Variants in SUSD1 observed in about 807,000 individuals in gnomAD.
The protein encoded by SUSD1 is sushi domain containing 1, also known as sushi domain-containing protein 1.
In SUSD1, 65 loss-of-function variants were observed where a neutral mutation model predicts 86.9. The ratio of observed to expected loss-of-function variants is 0.75; its 90% CI spans 0.61 to 0.92. The LOEUF (loss-of-function observed/expected upper bound fraction) is 0.92, where lower values mean the gene tolerates loss of function less well. Among genes scored for constraint, SUSD1 ranks in the 40% least tolerant of loss-of-function variants. The pLI, the probability that SUSD1 is intolerant of heterozygous loss-of-function variation, is 0.00. For synonymous variants in SUSD1, 346 were observed against 350.0 expected, an observed-to-expected ratio of 0.99 and a Z score of 0.13; for missense variants, 850 against 929.7, an observed-to-expected ratio of 0.91 and a Z score of 1.11.
intron 12 of SUSD1, among the ~76,000 whole-genome samples, chr9:112,074,728 C>T (rs142871698): frequency 1.8e-4 from 28 of 151,974 alleles, no homozygotes; most frequent in African/African-American, 6.0e-4. Flanking sequence ...TAGGAAACCA[C>T]GAGTATCTCT....
chr9:112,130,242 G>A lies in SUSD1; in HGVS notation c.707-5806C>T, dbSNP rs550468256. Among the ~76,000 whole-genome samples the A allele has an allele frequency of 1.1e-4, 16 of 152,154 alleles. No individual in the cohort carries two copies. In the South Asian group the frequency reaches 2.5e-3, roughly 24 times the overall value. ...ACAAAAATCAGTCAGGTGTGGTGGCGCATGCTTGTAATCCCAGCTACCTGG... is the reference window on the plus strand; with the variant it reads ...ACAAAAATCAGTCAGGTGTGGTGGCACATGCTTGTAATCCCAGCTACCTGG... On this transcript the variant is annotated intron_variant, in intron 5 of 16. Transcript: ENST00000374270.
At chr9:112,085,814 C>G (rs994419434) in intron 10 of SUSD1, among the ~76,000 whole-genome samples, 2 of 152,172 alleles carry the variant, frequency 1.3e-5, no homozygotes, top group African/African-American at 4.8e-5. Context: ...ATATAACTCA[C>G]TACGCATCCT....
Position 112,041,805 on chromosome 9 carries a change from G to T in SUSD1, c.2243+62C>A. 2 of 1,516,558 alleles carry T rather than the reference G, an allele frequency of 1.3e-6. 1 individual carries two copies. Among genetic ancestry groups the T allele is most frequent in the South Asian group, 2.4e-5 (2 of 84,366 alleles). 93.9% of individuals were successfully genotyped at this position (1,516,558 alleles called of 1,614,324 possible). A position where few individuals can be genotyped will look rare whatever the true frequency, so the allele number is the denominator to read the frequency against. On this transcript the variant is annotated intron_variant, in intron 16 of 16. Coordinates refer to ENST00000374270, the MANE Select transcript of SUSD1 (RefSeq NM_022486.5). ...CTCCCCTCATCCCCAGCTGTTCTTC[G>T]TGACTCTGACCCATCCTCCCCTCCA...
intron 14 of SUSD1, 134 bp downstream of exon 14, chr9:112,058,294 A>G: frequency 4.1e-6 from 5 of 1,219,294 alleles, no homozygotes; most frequent in Non-Finnish European, 4.5e-6. Context: ...TCATAAAGGC[A>G]AAGTATTCAC....
intron 1 of SUSD1, among the ~76,000 whole-genome samples, chr9:112,160,162 C>A (rs1833503597): frequency 6.6e-6 from 1 of 152,014 alleles, no homozygotes; most frequent in African/African-American, 2.4e-5. Flanking sequence ...ATCAAATGCA[C>A]TGGGGGAAAA....
At chr9:112,165,115 A>T (rs1202864029) in intron 1 of SUSD1, among the ~76,000 whole-genome samples, 7 of 152,218 alleles carry the variant, frequency 4.6e-5, no homozygotes, top group Admixed American at 4.6e-4. Context: ...AGCCCCCCGA[A>T]AGTCCTTTCT....
chr9:112,092,558 G>A lies in SUSD1; in HGVS notation c.1474+5912C>T, dbSNP rs1278792700. ...AATGAACAAGTAAATAGGTTATAAG[G>A]GCATGAATTATTCTTAACCTTATTC... On this transcript the variant is annotated intron_variant, in intron 10 of 16. Transcript: ENST00000374270. Among the ~76,000 whole-genome samples, 3 of 151,914 alleles carry A rather than the reference G, an allele frequency of 2.0e-5. No homozygotes were observed. In the South Asian group the frequency reaches 6.2e-4, roughly 32 times the overall value.
At chr9:112,041,547 C>T in intron 16 of SUSD1, 55 bp from the exon 17 acceptor site, 1 of 780,508 alleles carries the variant, frequency 1.3e-6, no homozygotes, top group Non-Finnish European at 2.4e-6. Context: ...TTTGGTTTTC[C>T]CACTGTGCAT....
chr9:112,108,774 C>CAAAAAAAAAAAAAAAAAAAA (rs11312103), intron 8 of SUSD1, among the ~76,000 whole-genome samples: 7 of 68,594 alleles, frequency 1.0e-4, no homozygotes, highest in Non-Finnish European at 1.9e-4. Flanking sequence ...CTGGGTGTCT[C>CAAAAAAAAAAAAAAAAAAAA]AAAAAAAAAA....
intron 8 of SUSD1, chr9:112,104,708 A>G (rs1210721888): frequency 6.6e-6 from 1 of 152,222 alleles, no homozygotes; most frequent in Non-Finnish European, 1.5e-5. Flanking sequence ...TCATACTGAG[A>G]TCTGACATAA....
chr9:112,110,839 C>A (rs1323393641), intron 8 of SUSD1, among the ~76,000 whole-genome samples: 2 of 152,092 alleles, frequency 1.3e-5, no homozygotes, highest in Non-Finnish European at 2.9e-5. Context: ...CTTCATTCCA[C>A]TCCTTTTTTC....
chr9:112,056,993 C>A (rs1470598318), intron 14 of SUSD1, among the ~76,000 whole-genome samples: 2 of 152,180 alleles, frequency 1.3e-5, no homozygotes, highest in Non-Finnish European at 2.9e-5. Context: ...AATGTCGAAG[C>A]CCTAACCTAC....
At chr9:112,046,085 T>A (rs1341457846) in intron 15 of SUSD1, among the ~76,000 whole-genome samples, 1 of 152,246 alleles carries the variant, frequency 6.6e-6, no homozygotes, top group African/African-American at 2.4e-5. Flanking sequence ...CAGGAATGAT[T>A]CTTGCTGGTA....
At chr9:112,080,727 ATT>A (rs1195542831) in intron 10 of SUSD1, among the ~76,000 whole-genome samples, 2 of 151,694 alleles carry the variant, frequency 1.3e-5, no homozygotes, top group African/African-American at 2.4e-5. Flanking sequence ...GAAAAAAATT[ATT>A]TGAGTCTATT....
Position 112,103,123 on chromosome 9 carries a change from AACT to A in SUSD1, c.1172-841_1172-839del, listed in dbSNP as rs1212002360. ...GTCTACCAGAGAGAAGCTATTTTAT[AACT>A]ACCTTTTATATGTGTATTTCTCCCG... is the stretch of plus-strand genomic sequence containing the variant. On this transcript the variant is annotated intron_variant, in intron 8 of 16. Transcript: ENST00000374270. 3 of 458,716 alleles carry A rather than the reference AACT, an allele frequency of 6.5e-6. No homozygotes were observed. In the East Asian group the frequency reaches 2.1e-4, roughly 33 times the overall value. 28.4% of individuals were successfully genotyped at this position (458,716 alleles called of 1,614,324 possible). A position where few individuals can be genotyped will look rare whatever the true frequency, so the allele number is the denominator to read the frequency against.
intron 6 of SUSD1, among the ~76,000 whole-genome samples, chr9:112,121,343 A>T (rs1208516769): frequency 6.6e-6 from 1 of 152,172 alleles, no homozygotes; most frequent in Non-Finnish European, 1.5e-5. Flanking sequence ...TGAGCTTTCC[A>T]TCTATCCCAA....
At chr9:112,111,286 A>C (rs1831086334) in intron 8 of SUSD1, among the ~76,000 whole-genome samples, 1 of 152,106 alleles carries the variant, frequency 6.6e-6, no homozygotes, top group African/African-American at 2.4e-5. Flanking sequence ...GAGCCACCAC[A>C]CCTGGCCAGA....
chr9:112,084,274 A>T (rs1238786149), intron 10 of SUSD1, among the ~76,000 whole-genome samples: 1 of 152,244 alleles, frequency 6.6e-6, no homozygotes, highest in African/African-American at 2.4e-5. Flanking sequence ...ATAAGTTAAT[A>T]AATTAGTATA....
At chr9:112,135,793 C>A (rs548332687) in intron 5 of SUSD1, among the ~76,000 whole-genome samples, 1 of 152,328 alleles carries the variant, frequency 6.6e-6, no homozygotes, top group Admixed American at 6.5e-5. Flanking sequence ...TGAGCCACAC[C>A]TTTTCTGCAC....
Sources: gnomAD v4.1 joint callset for allele counts (sites outside exome capture counted in the v4.1 genomes callset) on GRCh38, gnomAD v4.1.1 for gene constraint, MANE v1.5 for transcripts, NCBI Gene and HGNC (gene_info 2026-07-23, HGNC 2026-07-21) for gene names.